Variants in MOB3B observed in about 807,000 individuals in gnomAD.
MOB3B encodes MOB kinase activator 3B.
A neutral mutation model predicts 18.7 loss-of-function variants in MOB3B; 7 were observed. That is an observed-to-expected ratio of 0.37 (90% CI 0.21 to 0.70). MOB3B has a LOEUF of 0.70. Among genes scored for constraint, MOB3B ranks in the 30% least tolerant of loss-of-function variants. MOB3B has a pLI of 0.52. For synonymous variants in MOB3B, 111 were observed against 99.9 expected (o/e 1.11, Z -0.66); for missense variants, 253 against 281.3 (o/e 0.90, Z 0.72).
chr9:27,448,658 G>T (rs961013456), intron 2 of MOB3B, among the ~76,000 whole-genome samples: 1 of 152,120 alleles, frequency 6.6e-6, no homozygotes, highest in African/African-American at 2.4e-5. Flanking sequence ...ATTTGGGGTG[G>T]GACACAGCCA....
chr9:27,515,908 T>C (rs1469341919), intron 1 of MOB3B, among the ~76,000 whole-genome samples: 2 of 152,162 alleles, frequency 1.3e-5, no homozygotes, highest in African/African-American at 2.4e-5. Flanking sequence ...CAAAAGACTT[T>C]GCAAATGTAA....
At chr9:27,366,730 T>G (rs149780117) in intron 2 of MOB3B, among the ~76,000 whole-genome samples, 17 of 152,184 alleles carry the variant, frequency 1.1e-4, no homozygotes, top group African/African-American at 4.1e-4. Flanking sequence ...GGGCTGAACC[T>G]GGGCTTTTGT....
intron 2 of MOB3B, among the ~76,000 whole-genome samples, chr9:27,373,744 A>G (rs1821453039): frequency 1.3e-5 from 2 of 152,262 alleles, no homozygotes; most frequent in Admixed American, 6.5e-5. Flanking sequence ...TGGGCATCCA[A>G]TGGCACCAGC....
chr9:27,492,879 T>C (rs553103509), intron 1 of MOB3B, among the ~76,000 whole-genome samples: 2 of 152,294 alleles, frequency 1.3e-5, no homozygotes, highest in African/African-American at 4.8e-5. Context: ...CAGCTATTAT[T>C]TGCTGTGTGG....
chr9:27,455,036 T>A (rs1822849342), intron 2 of MOB3B, 97 bp downstream of exon 2: 1 of 1,296,436 alleles, frequency 7.7e-7, no homozygotes, highest in East Asian at 2.3e-5. Flanking sequence ...ATGGGATTAA[T>A]GCATGGGTGC....
chr9:27,371,964 ACT>A (rs1213926621), intron 2 of MOB3B, among the ~76,000 whole-genome samples: 1 of 152,210 alleles, frequency 6.6e-6, no homozygotes, highest in East Asian at 1.9e-4. Flanking sequence ...CTGGAAGTTG[ACT>A]CTATAAGCTG....
chr9:27,522,242 C>CAAAAAAAAAAAAAAAAAAAAAAAAAAA (rs1171362204), intron 1 of MOB3B, among the ~76,000 whole-genome samples: 4 of 56,044 alleles, frequency 7.1e-5, no homozygotes, highest in Non-Finnish European at 8.8e-5. Flanking sequence ...CCCCGTCTCA[C>CAAAAAAAAAAAAAAAAAAAAAAAAAAA]AAAAAAAAAA....
At chr9:27,481,541 G>A (rs1361494145) in intron 1 of MOB3B, among the ~76,000 whole-genome samples, 3 of 131,710 alleles carry the variant, frequency 2.3e-5, no homozygotes, top group Admixed American at 8.4e-5. Context: ...TTTTTGAGAC[G>A]GAGTCTAGCT....
At chr9:27,472,675 T>G (rs1428387069) in intron 1 of MOB3B, among the ~76,000 whole-genome samples, 1 of 103,568 alleles carries the variant, frequency 9.7e-6, no homozygotes, top group Non-Finnish European at 2.0e-5. Context: ...CTGCACTTTA[T>G]TCTAAAAAAA....
chr9:27,449,759 T>G (rs1225866081), intron 2 of MOB3B, among the ~76,000 whole-genome samples: 1 of 152,136 alleles, frequency 6.6e-6, no homozygotes, highest in African/African-American at 2.4e-5. Context: ...GCAGATCACC[T>G]GAGATCAGGA....
chr9:27,519,809 G>C (rs975075072), intron 1 of MOB3B, among the ~76,000 whole-genome samples: 6 of 151,934 alleles, frequency 3.9e-5, no homozygotes, highest in African/African-American at 1.5e-4. Flanking sequence ...CCAAGAAAGG[G>C]ACCAGAAGAC....
intron 2 of MOB3B, among the ~76,000 whole-genome samples, chr9:27,382,782 C>A (rs1184092532): frequency 6.6e-6 from 1 of 151,694 alleles, no homozygotes. Context: ...AGAACTGGTG[C>A]TTTTTGCAGT....
At chr9:27,387,304 C>T (rs886715889) in intron 2 of MOB3B, among the ~76,000 whole-genome samples, 1 of 152,160 alleles carries the variant, frequency 6.6e-6, no homozygotes, top group African/African-American at 2.4e-5. Context: ...TGAGTCTTAA[C>T]AGGCAGACCA....
At chr9:27,481,076 G>A (rs1051646702) in intron 1 of MOB3B, among the ~76,000 whole-genome samples, 11 of 152,094 alleles carry the variant, frequency 7.2e-5, no homozygotes, top group African/African-American at 1.4e-4. Flanking sequence ...AGTTAAAGAC[G>A]CATGCTATAA....
At chr9:27,456,082 A>G (rs1426980254) in intron 1 of MOB3B, among the ~76,000 whole-genome samples, 2 of 152,114 alleles carry the variant, frequency 1.3e-5, no homozygotes, top group African/African-American at 2.4e-5. Flanking sequence ...CACGTGTGCT[A>G]GCTTTTAGAG....
intron 2 of MOB3B, chr9:27,421,674 C>T (rs991254783): frequency 6.6e-6 from 1 of 152,436 alleles, no homozygotes; most frequent in African/African-American, 2.4e-5. Context: ...CCTCCAACTT[C>T]CTCCATTTCC....
chr9:27,503,792 A>G (rs1820021344), intron 1 of MOB3B, among the ~76,000 whole-genome samples: 1 of 152,204 alleles, frequency 6.6e-6, no homozygotes, highest in Non-Finnish European at 1.5e-5. Flanking sequence ...GCTTAGTTAG[A>G]GAGAGCCACC....
chr9:27,482,948 C>T (rs1196293817), intron 1 of MOB3B, among the ~76,000 whole-genome samples: 1 of 152,084 alleles, frequency 6.6e-6, no homozygotes, highest in Non-Finnish European at 1.5e-5. Flanking sequence ...CTTGAACAGG[C>T]CTCCTGCTAA....
chr9:27,349,911 T>C (rs1485285016), intron 3 of MOB3B, among the ~76,000 whole-genome samples: 1 of 152,140 alleles, frequency 6.6e-6, no homozygotes, highest in Admixed American at 6.5e-5. Flanking sequence ...CAGCTCTTTG[T>C]GGAGGGAGTG....
Sources: gnomAD v4.1 joint callset for allele counts (sites outside exome capture counted in the v4.1 genomes callset) on GRCh38, gnomAD v4.1.1 for gene constraint, MANE v1.5 for transcripts, NCBI Gene and HGNC (gene_info 2026-07-23, HGNC 2026-07-21) for gene names.